PANK1: variants seen among roughly 807,000 people sequenced by gnomAD.
PANK1 encodes the protein pantothenate kinase 1, also known as pantothenic acid kinase 1.
PANK1 carries 18 observed loss-of-function variants against 40.1 expected under a neutral mutation model. The observed-to-expected ratio is 0.45, with a 90% CI of 0.31 to 0.67. The LOEUF (loss-of-function observed/expected upper bound fraction) is 0.67, where lower values mean the gene tolerates loss of function less well. PANK1 is among the 30% of genes least tolerant of loss of function. The pLI is 0.06. For missense variants in PANK1, 457 were observed against 599.6 expected (o/e 0.76, Z 2.48); for synonymous variants, 242 against 237.7 (o/e 1.02, Z -0.17).
chr10:89,579,664 C>T (rs138950933), downstream of PANK1: 5 of 152,320 alleles, frequency 3.3e-5, no homozygotes, highest in African/African-American at 1.2e-4. Context: ...GAGGCCATGA[C>T]TTAATCATAC....
At chr10:89,619,086 A>G (rs2133976074) in intron 1 of PANK1, among the ~76,000 whole-genome samples, 1 of 152,366 alleles carries the variant, frequency 6.6e-6, no homozygotes, top group South Asian at 2.1e-4. Flanking sequence ...GTGGTAGCTG[A>G]GTGTTAAAAA....
chr10:89,584,256 C>G lies in PANK1; in HGVS notation c.*150G>C, dbSNP rs181486556. The G allele has an allele frequency of 1.5e-3, 937 of 609,386 alleles. 7 individuals are homozygous for G. The Middle Eastern group carries it at 0.028, about 18-fold the overall frequency. 37.7% of individuals were successfully genotyped at this position (609,386 alleles called of 1,614,324 possible). A position where few individuals can be genotyped will look rare whatever the true frequency, so the allele number is the denominator to read the frequency against. Reference sequence around the variant, plus strand: ...AGCTCAAAACCTAAGAGTAAAAGATCATCTGGAAGGATTTTAAATTATTTA... The same window carrying G: ...AGCTCAAAACCTAAGAGTAAAAGATGATCTGGAAGGATTTTAAATTATTTA... On this transcript the variant is annotated 3_prime_UTR_variant, in exon 7 of 7. Coordinates refer to ENST00000307534, the MANE Select transcript of PANK1 (RefSeq NM_148977.3).
rs1375224853 is a variant in PANK1 at position 89,583,147 on chromosome 10, T to C, written c.*1259A>G. 1.3e-5 allele frequency: 2 copies of C among 152,088 alleles called. No individual in the cohort carries two copies. The highest frequency in any genetic ancestry group is 4.8e-5 in the African/African-American group (2 of 41,428). The allele number at this position is 152,088 out of a possible 1,614,324, so 9.4% of individuals were successfully genotyped here. A position where few individuals can be genotyped will look rare whatever the true frequency, so the allele number is the denominator to read the frequency against. ...ATTGTTCTGTCCTTCAAAAATCCCT[T>C]TCAACAATAAGCTCAATACACAAGA... On this transcript the variant is annotated 3_prime_UTR_variant, in exon 7 of 7. Transcript: ENST00000307534.
In PANK1 at chr10:89,609,027, C is replaced by T. The variant is rs893161291; in HGVS notation, c.645+2669G>A. ...CTATCTTCTTTGCCCTGGTTTTTTCCCTCCATTCATAGTAATTATCACCAT... is the reference window on the plus strand; with the variant it reads ...CTATCTTCTTTGCCCTGGTTTTTTCTCTCCATTCATAGTAATTATCACCAT... On this transcript the variant is annotated intron_variant, in intron 2 of 6. Coordinates refer to ENST00000307534, the MANE Select transcript of PANK1 (RefSeq NM_148977.3). 2.6e-5 allele frequency among the ~76,000 whole-genome samples: 4 copies of T among 152,128 alleles called. No homozygotes were observed. The East Asian group carries it at 5.8e-4, about 22-fold the overall frequency.
chr10:89,604,511 G>A (rs1417920808), intron 2 of PANK1, among the ~76,000 whole-genome samples: 7 of 151,992 alleles, frequency 4.6e-5, no homozygotes, highest in Non-Finnish European at 1.0e-4. Flanking sequence ...GGCCAACATG[G>A]TAAGACCCTC....
Position 89,644,857 on chromosome 10 carries a change from A to G in PANK1, c.35T>C (p.Val12Ala). 4 of 1,475,946 alleles carry G rather than the reference A, an allele frequency of 2.7e-6. No individual in the cohort carries two copies. The allele number at this position is 1,475,946 out of a possible 1,614,324, so 91.4% of individuals were successfully genotyped here. ...CACGGGGGCCCCTGGAGAGTGCGGG[A>G]CCGAGCGCTCCTGCTGCCCGCTGCG... ...GDRSGQQERS[V>A]PHSPGAPVGT... Residue 12 changes from valine to alanine, a missense_variant, in exon 1 of 7, where the codon GTC becomes GCC. By Grantham distance (64) the Val-to-Ala change is moderately conservative. Coordinates refer to ENST00000307534, the MANE Select transcript of PANK1 (RefSeq NM_148977.3).
At chr10:89,594,120 T>C (rs1844493806) in intron 3 of PANK1, 131 bp from the exon 4 acceptor site, 1 of 636,958 alleles carries the variant, frequency 1.6e-6, no homozygotes, top group Non-Finnish European at 2.8e-6. Context: ...ATTAAAGTGC[T>C]AGGGTGCAAC....
chr10:89,613,325 C>T (rs1481467969), intron 1 of PANK1, among the ~76,000 whole-genome samples: 4 of 152,034 alleles, frequency 2.6e-5, no homozygotes, highest in Non-Finnish European at 4.4e-5. Context: ...TTATTTCAGC[C>T]CTAGAGAACA....
At chr10:89,644,511 G>C (rs1250751725) in intron 1 of PANK1, 89 bp downstream of exon 1, 1 of 1,194,786 alleles carries the variant, frequency 8.4e-7, no homozygotes, top group East Asian at 2.8e-5. Flanking sequence ...CACGGGGCGT[G>C]CTGCGGCGCC....
intron 2 of PANK1, among the ~76,000 whole-genome samples, chr10:89,609,730 G>A (rs1011248258): frequency 3.3e-5 from 5 of 152,176 alleles, no homozygotes; most frequent in Admixed American, 3.3e-4. Flanking sequence ...CCCTACTCCA[G>A]TCTATTCATT....
chr10:89,579,634 C>T (rs766138635), downstream of PANK1: 1 of 152,140 alleles, frequency 6.6e-6, no homozygotes, highest in Non-Finnish European at 1.5e-5. Flanking sequence ...GCAAGGTGAG[C>T]CCATCATTCC....
Position 89,584,352 on chromosome 10 carries a change from G to C in PANK1, c.*54C>G. ...AAAGCGACTTTCACCTTCTCCAGCA[G>C]CAATTTTTTAGTTCTCTGTCCTTTT... On this transcript the variant is annotated 3_prime_UTR_variant, in exon 7 of 7. Transcript: ENST00000307534. 8.4e-7 allele frequency: 1 copy of C among 1,184,252 alleles called. No homozygotes were observed. Among genetic ancestry groups the C allele is most frequent in the Non-Finnish European group, 1.3e-6 (1 of 790,800 alleles). The allele number at this position is 1,184,252 out of a possible 1,614,324, so 73.4% of individuals were successfully genotyped here.
intron 1 of PANK1, among the ~76,000 whole-genome samples, chr10:89,621,083 T>C (rs1845470562): frequency 6.6e-6 from 1 of 152,132 alleles, no homozygotes; most frequent in African/African-American, 2.4e-5. Context: ...GGGTGGATCA[T>C]CTGAGGTCAG....
intron 2 of PANK1, among the ~76,000 whole-genome samples, chr10:89,601,793 A>G (rs1451413508): frequency 3.9e-5 from 6 of 152,212 alleles, no homozygotes; most frequent in Admixed American, 3.9e-4. Context: ...ATGTAATTAT[A>G]CATGTTTTAA....
chr10:89,599,157 T>C, intron 3 of PANK1, 95 bp downstream of exon 3: 1 of 1,226,326 alleles, frequency 8.2e-7, no homozygotes, highest in South Asian at 1.5e-5. Context: ...CCAAGATATT[T>C]CTTTTAAAAA....
Position 89,642,508 on chromosome 10 carries a change from C to A in PANK1, c.292+2092G>T, listed in dbSNP as rs867015041. 3.3e-5 allele frequency among the ~76,000 whole-genome samples: 5 copies of A among 152,284 alleles called. No homozygotes were observed. In the South Asian group the frequency reaches 1.0e-3, roughly 32 times the overall value. ...GTTTAAAGCACACAACTACTCTTTG[C>A]AAAAATCGTTCCTGTAAAATCTGTC... On this transcript the variant is annotated intron_variant, in intron 1 of 6. Transcript: ENST00000307534.
rs1018432984 is a variant in PANK1 at position 89,584,549 on chromosome 10, T to A, written c.1327-84A>T. On this transcript the variant is annotated intron_variant, in intron 6 of 6. Coordinates refer to ENST00000307534, the MANE Select transcript of PANK1 (RefSeq NM_148977.3). ...AATAATTCTAGGAATGCCACTAATA[T>A]CGATAAAAGAGAAATTTAAAACCTA... 2.2e-5 allele frequency: 19 copies of A among 868,944 alleles called. No homozygotes were observed. The Admixed American group carries it at 3.7e-4, about 17-fold the overall frequency. 53.8% of individuals were successfully genotyped at this position (868,944 alleles called of 1,614,324 possible).
At chr10:89,588,504 G>A in intron 6 of PANK1, 148 bp downstream of exon 6, 1 of 514,898 alleles carries the variant, frequency 1.9e-6, no homozygotes, top group Admixed American at 3.3e-5. Context: ...TTTTATATAT[G>A]CTTTTTTCTT....
At chr10:89,595,204 A>C (rs368973767) in intron 3 of PANK1, among the ~76,000 whole-genome samples, 3 of 152,204 alleles carry the variant, frequency 2.0e-5, no homozygotes, top group African/African-American at 7.2e-5. Flanking sequence ...TAATACCAGC[A>C]CTTTGGGAGG....
Sources: gnomAD v4.1 joint callset for allele counts (sites outside exome capture counted in the v4.1 genomes callset) on GRCh38, gnomAD v4.1.1 for gene constraint, MANE v1.5 for transcripts, NCBI Gene and HGNC (gene_info 2026-07-23, HGNC 2026-07-21) for gene names.